Variants in CHST3 observed in about 807,000 individuals in gnomAD.
CHST3 encodes the protein C6ST-1.
A neutral mutation model predicts 35.4 loss-of-function variants in CHST3; 20 were observed. The observed-to-expected ratio is 0.57, with a 90% confidence interval of 0.40 to 0.82. The LOEUF (loss-of-function observed/expected upper bound fraction) is 0.82. Ranked by LOEUF, CHST3 falls within the 40% of genes least tolerant of loss-of-function variation. CHST3 has a pLI of 0.00. For synonymous variants in CHST3, 334 were observed against 295.9 expected (o/e 1.13, Z -1.32); for missense variants, 693 against 670.1 (o/e 1.03, Z -0.38).
At chr10:71,992,545 G>A (rs552406095) in intron 1 of CHST3, among the ~76,000 whole-genome samples, 64 of 152,120 alleles carry the variant, frequency 4.2e-4, no homozygotes, top group Non-Finnish European at 6.3e-4. Context: ...TTTTCATGAC[G>A]GATTTCTCTG....
chr10:71,969,439 C>A (rs1475090969), intron 1 of CHST3, among the ~76,000 whole-genome samples: 1 of 152,202 alleles, frequency 6.6e-6, no homozygotes, highest in African/African-American at 2.4e-5. Flanking sequence ...ACTGCTCCAC[C>A]CACCCTCATC....
chr10:71,992,560 A>G (rs1839906089), intron 1 of CHST3, among the ~76,000 whole-genome samples: 2 of 152,048 alleles, frequency 1.3e-5, no homozygotes, highest in African/African-American at 4.8e-5. Context: ...TCTCTGTAGC[A>G]TGCAATGCTG....
intron 1 of CHST3, among the ~76,000 whole-genome samples, chr10:71,968,983 T>A (rs915533592): frequency 6.7e-5 from 10 of 149,638 alleles, no homozygotes; most frequent in African/African-American, 2.4e-4. Flanking sequence ...TTTTTGGTCC[T>A]CTCCAGGGTA....
intron 1 of CHST3, among the ~76,000 whole-genome samples, chr10:71,998,141 C>A (rs927053198): frequency 5.9e-5 from 9 of 152,106 alleles, no homozygotes; most frequent in Admixed American, 4.6e-4. Flanking sequence ...CCTGTCCCCC[C>A]CAAAAATAAA....
At chr10:72,006,928 A>T (rs1589508839) in intron 2 of CHST3, among the ~76,000 whole-genome samples, 1 of 152,034 alleles carries the variant, frequency 6.6e-6, no homozygotes, top group Admixed American at 6.5e-5. Flanking sequence ...CGATGCCCAC[A>T]CCTGCTCCTA....
intron 2 of CHST3, 49 bp downstream of exon 2, chr10:72,006,031 G>T: frequency 1.4e-6 from 2 of 1,465,010 alleles, no homozygotes; most frequent in Non-Finnish European, 1.9e-6. Flanking sequence ...GGTGGGGTGG[G>T]TGGGGACAGG....
intron 1 of CHST3, among the ~76,000 whole-genome samples, chr10:71,997,204 C>T (rs1839949776): frequency 1.3e-5 from 2 of 152,248 alleles, no homozygotes; most frequent in Non-Finnish European, 2.9e-5. Flanking sequence ...CATTAAACAT[C>T]AACCCCCCGG....
At chr10:72,006,652 T>A (rs1840041223) in intron 2 of CHST3, among the ~76,000 whole-genome samples, 1 of 152,222 alleles carries the variant, frequency 6.6e-6, no homozygotes, top group East Asian at 1.9e-4. Context: ...TGTAGAAAGA[T>A]TTCTTAGCCT....
chr10:71,999,827 G>A (rs1369277268), intron 1 of CHST3, among the ~76,000 whole-genome samples: 1 of 152,222 alleles, frequency 6.6e-6, no homozygotes, highest in Admixed American at 6.5e-5. Flanking sequence ...AGGGAGGGAA[G>A]CCGAAGCCTC....
intron 1 of CHST3, among the ~76,000 whole-genome samples, chr10:71,965,410 TC>T (rs1322234671): frequency 2.0e-5 from 3 of 152,134 alleles, no homozygotes; most frequent in Admixed American, 6.5e-5. Flanking sequence ...GTGACAGTCT[TC>T]CAGGGAAGCA....
At chr10:71,999,030 C>T (rs1327550108) in intron 1 of CHST3, among the ~76,000 whole-genome samples, 1 of 152,198 alleles carries the variant, frequency 6.6e-6, no homozygotes, top group Non-Finnish European at 1.5e-5. Flanking sequence ...ACTCTCCTGT[C>T]AGGCAACACA....
intron 1 of CHST3, among the ~76,000 whole-genome samples, chr10:71,999,123 G>A (rs937630030): frequency 1.3e-5 from 2 of 152,188 alleles, no homozygotes; most frequent in Non-Finnish European, 1.5e-5. Context: ...ACAGGCCACC[G>A]GATGGACAAG....
intron 1 of CHST3, among the ~76,000 whole-genome samples, chr10:71,966,841 G>T (rs1223795305): frequency 6.6e-6 from 1 of 152,204 alleles, no homozygotes; most frequent in Admixed American, 6.5e-5. Context: ...TGTCACACAG[G>T]TAGTGAGAGA....
chr10:72,005,132 A>G (rs1283255228), intron 1 of CHST3, among the ~76,000 whole-genome samples: 1 of 152,190 alleles, frequency 6.6e-6, no homozygotes, highest in Non-Finnish European at 1.5e-5. Flanking sequence ...CTCAAAAACA[A>G]ACAAACAATT....
At chr10:71,991,512 C>A (rs1366940147) in intron 1 of CHST3, among the ~76,000 whole-genome samples, 1 of 152,154 alleles carries the variant, frequency 6.6e-6, no homozygotes, top group Non-Finnish European at 1.5e-5. Context: ...CTAAGACATT[C>A]TATATTTTGG....
In CHST3 at chr10:72,007,232, A is replaced by T. The variant is rs1321524021; in HGVS notation, c.201A>T (p.Pro67=). The T allele has an allele frequency of 6.2e-7, 1 of 1,614,206 alleles. No individual in the cohort carries two copies. Among genetic ancestry groups the T allele is most frequent in the Non-Finnish European group, 8.5e-7 (1 of 1,180,040 alleles). Residue 67 remains proline, a synonymous_variant, in exon 3 of 3, where the codon CCA becomes CCT. Coordinates refer to ENST00000373115, the MANE Select transcript of CHST3 (RefSeq NM_004273.5). ...TAGCAGATGCCAACAGCACCGACCCAGCCCTGATCTTAGCTGAGAACGCAT... is the reference window on the plus strand; with the variant it reads ...TAGCAGATGCCAACAGCACCGACCCTGCCCTGATCTTAGCTGAGAACGCAT... ...QALADANSTD[P]ALILAENASL...
rs535815890 is a variant in CHST3, at chr10:71,968,811, G to A, written c.-108+4117G>A. 5.3e-5 allele frequency among the ~76,000 whole-genome samples: 8 copies of A among 152,246 alleles called. No homozygotes were observed. The South Asian group carries it at 1.7e-3, about 32-fold the overall frequency. On this transcript the variant is annotated intron_variant, in intron 1 of 2. Coordinates refer to ENST00000373115, the MANE Select transcript of CHST3 (RefSeq NM_004273.5). ...GAGTCAGAAAACTGTGGAGATTTTG[G>A]GGGGGCACACAGGGAGATGTTGCAG...
chr10:71,997,640 G>A (rs1839953129), intron 1 of CHST3, among the ~76,000 whole-genome samples: 1 of 151,252 alleles, frequency 6.6e-6, no homozygotes, highest in Middle Eastern at 3.5e-3. Context: ...GTGTAAAAGA[G>A]AATACCAGCC....
chr10:71,991,523 C>T (rs1052725344), intron 1 of CHST3, among the ~76,000 whole-genome samples: 4 of 152,196 alleles, frequency 2.6e-5, no homozygotes, highest in African/African-American at 7.2e-5. Context: ...TATATTTTGG[C>T]TGTTACAGGC....
Sources: gnomAD v4.1 joint callset for allele counts (sites outside exome capture counted in the v4.1 genomes callset) on GRCh38, gnomAD v4.1.1 for gene constraint, MANE v1.5 for transcripts, NCBI Gene and HGNC (gene_info 2026-07-23, HGNC 2026-07-21) for gene names.